The following GNA13 variants were observed in gnomAD, a reference collection of about 807,000 sequenced individuals.
GNA13 encodes G protein subunit alpha 13.
In GNA13, 4 loss-of-function variants were observed where a neutral mutation model predicts 33.5. The observed-to-expected ratio is 0.12, with a 90% CI of 0.06 to 0.27. GNA13 has a LOEUF of 0.27. GNA13 is among the 10% of genes least tolerant of loss of function. GNA13 has a pLI of 1.00. For synonymous variants in GNA13, 176 were observed against 183.8 expected, an observed-to-expected ratio of 0.96 and a Z score of 0.34; for missense variants, 319 against 487.2, an observed-to-expected ratio of 0.65 and a Z score of 3.25.
intron 2 of GNA13, among the ~76,000 whole-genome samples, chr17:65,033,969 C>A (rs1907149495): frequency 1.6e-5 from 2 of 124,546 alleles, no homozygotes; most frequent in East Asian, 2.8e-4. Flanking sequence ...GCCAAGATCA[C>A]CCTGCTACAC....
At chr17:65,019,880 T>A (rs1345454960) in intron 2 of GNA13, among the ~76,000 whole-genome samples, 1 of 152,248 alleles carries the variant, frequency 6.6e-6, no homozygotes, top group Non-Finnish European at 1.5e-5. Flanking sequence ...AGATACCCTA[T>A]CTTCCATGAG....
intron 2 of GNA13, among the ~76,000 whole-genome samples, chr17:65,049,619 C>T (rs6504271): frequency 0.76 from 115,377 of 152,020 alleles, 47,912 homozygotes; most frequent in East Asian, 0.97. Context: ...GCAAAGGACA[C>T]GGAGATCTCC....
rs1906115384 is a variant in GNA13, at chr17:65,009,814, C to A, written c.*4443G>T. On this transcript the variant is annotated 3_prime_UTR_variant, in exon 4 of 4. Coordinates refer to ENST00000439174, the MANE Select transcript of GNA13 (RefSeq NM_006572.6). ...TATACTGTGCAAGAATTAATCTCTACCCCTTTCTTTCCTAGTACCATCAAA... is the reference window on the plus strand; with the variant it reads ...TATACTGTGCAAGAATTAATCTCTAACCCTTTCTTTCCTAGTACCATCAAA... Among the ~76,000 whole-genome samples the A allele has an allele frequency of 6.6e-6, 1 of 152,176 alleles. No homozygotes were observed. Among genetic ancestry groups the A allele is most frequent in the Non-Finnish European group, 1.5e-5 (1 of 68,032 alleles).
chr17:65,046,311 G>A (rs970361407), intron 2 of GNA13, among the ~76,000 whole-genome samples: 4 of 151,876 alleles, frequency 2.6e-5, no homozygotes, highest in African/African-American at 9.7e-5. Flanking sequence ...TTATTTTTGA[G>A]ACAGGATCTC....
intron 2 of GNA13, among the ~76,000 whole-genome samples, chr17:65,029,869 G>GT (rs1004066097): frequency 3.6e-4 from 53 of 145,896 alleles, no homozygotes; most frequent in Middle Eastern, 3.4e-3. Context: ...GAACGGGAAG[G>GT]TTTTTTTTTT....
intron 1 of GNA13, 62 bp downstream of exon 1, chr17:65,056,249 G>GCCCCCCCCCCCCCCCCCGCC: frequency 1.3e-6 from 1 of 774,834 alleles, no homozygotes; most frequent in Non-Finnish European, 2.0e-6. Flanking sequence ...GCCCCGCCCC[G>GCCCCCCCCCCCCCCCCCGCC]CACCCGCCGC....
At chr17:65,043,345 T>C (rs1907533358) in intron 2 of GNA13, among the ~76,000 whole-genome samples, 1 of 151,938 alleles carries the variant, frequency 6.6e-6, no homozygotes, top group Non-Finnish European at 1.5e-5. Flanking sequence ...TGGAGTGCAG[T>C]GGTGCAATCT....
At position 65,013,923 on chromosome 17, in the gene GNA13, T is replaced by A. The variant is rs767856252; in HGVS notation, c.*334A>T. The A allele has an allele frequency of 2.9e-5, 9 of 305,624 alleles. No homozygotes were observed. The highest frequency in any genetic ancestry group is 4.5e-5 in the Admixed American group (1 of 21,988). 18.9% of individuals were successfully genotyped at this position (305,624 alleles called of 1,614,324 possible). On this transcript the variant is annotated 3_prime_UTR_variant, in exon 4 of 4. Transcript: ENST00000439174. ...AAGTATTTAAGGACACCTTTGATACTTGGCACTGCAGGAGAATTCAGTTTG... is the reference window on the plus strand; with the variant it reads ...AAGTATTTAAGGACACCTTTGATACATGGCACTGCAGGAGAATTCAGTTTG...
At chr17:65,026,501 T>C (rs1213358843) in intron 2 of GNA13, among the ~76,000 whole-genome samples, 1 of 152,184 alleles carries the variant, frequency 6.6e-6, no homozygotes, top group African/African-American at 2.4e-5. Flanking sequence ...TTATATAGGC[T>C]GTAAAATAAA....
intron 2 of GNA13, among the ~76,000 whole-genome samples, chr17:65,045,756 T>C (rs890350830): frequency 2.6e-5 from 4 of 152,148 alleles, no homozygotes; most frequent in East Asian, 1.9e-4. Context: ...GTTCAGGATA[T>C]AAAAATAACT....
chr17:65,049,563 A>G (rs1387882251), intron 2 of GNA13, among the ~76,000 whole-genome samples: 1 of 152,232 alleles, frequency 6.6e-6, no homozygotes, highest in Non-Finnish European at 1.5e-5. Flanking sequence ...TCTAACACAC[A>G]TAATGGGTAC....
chr17:65,053,572 G>A lies in GNA13; in HGVS notation c.440C>T (p.Pro147Leu), dbSNP rs1420414415. 1.2e-6 allele frequency: 2 copies of A among 1,613,804 alleles called. No individual in the cohort carries two copies. Among genetic ancestry groups the A allele is most frequent in the African/African-American group, 1.3e-5 (1 of 74,908 alleles). Residue 147 changes from proline (P) to leucine (L), a missense_variant, in exon 2 of 4, where the codon CCT (proline) becomes CTT (leucine). Physicochemically the swap from Pro to Leu is moderately conservative, Grantham distance 98. Transcript: ENST00000439174. ...GTCTGCCCATAATGCTCTTATAGCA[G>A]GAAGATATTGTAAGAAAACCCTTGT... ...VETRVFLQYLPAIRALWADSG... is the reference protein window; with the variant it reads ...VETRVFLQYLLAIRALWADSG...
intron 2 of GNA13, among the ~76,000 whole-genome samples, chr17:65,028,407 CAA>C (rs1184832409): frequency 7.4e-4 from 40 of 54,088 alleles, no homozygotes; most frequent in Admixed American, 1.3e-3. Context: ...AGGCTGTCTC[CAA>C]AAAAAAAAAA....
rs1908067938 is a variant in GNA13, at chr17:65,056,537, C to G, written c.57G>C (p.Leu19=). The G allele has an allele frequency of 1.2e-6, 2 of 1,612,790 alleles. No individual in the cohort carries two copies. The highest frequency in any genetic ancestry group is 2.2e-5 in the South Asian group (2 of 91,070). ...SVLSVCFPGC[L]LTSGEAEQQR... ...GCTGCTCGGCCTCGCCACTCGTCAGCAGGCAGCCGGGGAAGCACACGGACA... is the reference window on the plus strand; with the variant it reads ...GCTGCTCGGCCTCGCCACTCGTCAGGAGGCAGCCGGGGAAGCACACGGACA... The change falls in exon 1 of 4, where the codon CTG becomes CTC. Residue 19 remains leucine, a synonymous_variant. Transcript: ENST00000439174.
rs1439909469 is a variant in GNA13, at chr17:65,011,652, A to C, written c.*2605T>G. 2 of 224,474 alleles carry C rather than the reference A, an allele frequency of 8.9e-6. No individual in the cohort carries two copies. Among genetic ancestry groups the C allele is most frequent in the African/African-American group, 4.5e-5 (2 of 44,894 alleles). The allele number at this position is 224,474 out of a possible 1,614,324, so 13.9% of individuals were successfully genotyped here. On this transcript the variant is annotated 3_prime_UTR_variant, in exon 4 of 4. Transcript: ENST00000439174. ...CTCAGAATTAAATGAGAAGGCATTC[A>C]GATTTAAGAACAGAATGTAACACAG...
chr17:65,045,740 A>G (rs765625035), intron 2 of GNA13, among the ~76,000 whole-genome samples: 1 of 152,226 alleles, frequency 6.6e-6, no homozygotes, highest in Non-Finnish European at 1.5e-5. Context: ...CAAGGATATT[A>G]GGAAAGTTCA....
chr17:65,028,678 T>C (rs16958747), intron 2 of GNA13, among the ~76,000 whole-genome samples: 3,392 of 152,256 alleles, frequency 0.022, 134 homozygotes, highest in African/African-American at 0.077. Flanking sequence ...ACTAGGATGA[T>C]AGCGCCACAA....
At chr17:65,050,693 G>A (rs890933404) in intron 2 of GNA13, among the ~76,000 whole-genome samples, 75 of 151,882 alleles carry the variant, frequency 4.9e-4, no homozygotes, top group African/African-American at 1.6e-3. Context: ...ATCACAACAG[G>A]GCACTCCAGC....
chr17:65,049,221 T>C (rs557733095), intron 2 of GNA13, among the ~76,000 whole-genome samples: 6 of 152,156 alleles, frequency 3.9e-5, no homozygotes, highest in Non-Finnish European at 7.3e-5. Flanking sequence ...GCGATTCTCG[T>C]GCCTCAGTCT....
Sources: allele counts gnomAD v4.1 joint callset (sites outside exome capture counted in the v4.1 genomes callset), GRCh38; gene constraint gnomAD v4.1.1; transcripts MANE v1.5; gene names NCBI Gene and HGNC (gene_info 2026-07-23, HGNC 2026-07-21).